Variants in SSUH2 observed in about 807,000 individuals in gnomAD.
SSUH2 encodes ssu-2 homolog.
A neutral mutation model predicts 55.3 loss-of-function variants in SSUH2; 47 were observed. That is an observed-to-expected ratio of 0.85 (90% CI 0.67 to 1.08). The LOEUF (loss-of-function observed/expected upper bound fraction) is 1.08, where lower values mean the gene tolerates loss of function less well. SSUH2 is among the 50% of genes least tolerant of loss of function. The pLI is 0.00. For missense variants in SSUH2, 535 were observed against 490.7 expected (o/e 1.09, Z -0.85); for synonymous variants, 212 against 191.5 (o/e 1.11, Z -0.89).
chr3:8,620,984 A>G (rs1696311611), intron 11 of SSUH2, among the ~76,000 whole-genome samples: 1 of 144,412 alleles, frequency 6.9e-6, no homozygotes, highest in Admixed American at 6.9e-5. Flanking sequence ...AACTTTCTGC[A>G]ATATGAGGCC....
chr3:8,635,760 G>GC lies in SSUH2; in HGVS notation c.125dup (p.Arg43GlnfsTer48). ...GAACCAAGCCCTCTTGGAACTTACT[G>GC]CCCCCTTGAAGAAGCCAGTCATAGC... On this transcript the variant is annotated frameshift_variant and splice_region_variant, in exon 2 of 12. Coordinates refer to ENST00000544814, the MANE Select transcript of SSUH2 (RefSeq NM_001256748.3). LOFTEE classifies it high-confidence loss of function. 1.3e-6 allele frequency: 2 copies of GC among 1,535,136 alleles called. No homozygotes were observed. The highest frequency in any genetic ancestry group is 1.7e-6 in the Non-Finnish European group (2 of 1,146,406).
chr3:8,656,795 G>T (rs961168433), intron 7 of SSUH2, among the ~76,000 whole-genome samples: 1 of 152,132 alleles, frequency 6.6e-6, no homozygotes, highest in Admixed American at 6.5e-5. Context: ...TTGAATGTGG[G>T]TTTTTCTGGC....
chr3:8,629,553 G>C, intron 7 of SSUH2, 111 bp downstream of exon 7: 2 of 905,886 alleles, frequency 2.2e-6, no homozygotes, highest in East Asian at 2.5e-5. Flanking sequence ...ACTTGGCTGA[G>C]ATGACACAGT....
chr3:8,675,127 C>T (rs1413736904), intron 3 of SSUH2, among the ~76,000 whole-genome samples: 4 of 152,218 alleles, frequency 2.6e-5, no homozygotes, highest in African/African-American at 7.2e-5. Flanking sequence ...GACTTTACAT[C>T]CAACAGTACC....
chr3:8,641,686 C>T (rs1035325844), intron 1 of SSUH2, among the ~76,000 whole-genome samples: 1 of 152,246 alleles, frequency 6.6e-6, no homozygotes, highest in Admixed American at 6.5e-5. Flanking sequence ...GGGAAAGCTG[C>T]ATTCCGGTGG....
At chr3:8,666,947 G>A (rs1323147879) in intron 5 of SSUH2, among the ~76,000 whole-genome samples, 3 of 152,226 alleles carry the variant, frequency 2.0e-5, no homozygotes, top group Non-Finnish European at 4.4e-5. Flanking sequence ...CTGATGAAGA[G>A]ACTTGTAGGG....
upstream of SSUH2, among the ~76,000 whole-genome samples, chr3:8,646,497 G>A (rs1424056222): frequency 6.6e-6 from 1 of 152,162 alleles, no homozygotes; most frequent in Admixed American, 6.5e-5. Context: ...CTGTATTTTC[G>A]TAACCAGGAA....
intron 7 of SSUH2, among the ~76,000 whole-genome samples, chr3:8,654,803 C>A (rs1000985142): frequency 7.3e-5 from 11 of 151,600 alleles, no homozygotes; most frequent in African/African-American, 2.7e-4. Flanking sequence ...GTGGCTTCCC[C>A]AGGATCACAG....
chr3:8,621,361 A>T (rs1488577317), intron 11 of SSUH2, among the ~76,000 whole-genome samples: 1 of 152,140 alleles, frequency 6.6e-6, no homozygotes, highest in Non-Finnish European at 1.5e-5. Context: ...GGAAGAGGTA[A>T]ACCAGGCCGG....
At position 8,626,280 on chromosome 3, in the gene SSUH2, G is replaced by T. The variant is rs766332544; in HGVS notation, c.716C>A (p.Thr239Asn). The T allele has an allele frequency of 6.2e-7, 1 of 1,614,130 alleles. No individual in the cohort carries two copies. Among genetic ancestry groups the T allele is most frequent in the South Asian group, 1.1e-5 (1 of 91,060 alleles). Residue 239 changes from threonine (T) to asparagine (N), a missense_variant, in exon 9 of 12, where the codon ACC becomes AAC. Thr to Asn is a moderately conservative substitution (Grantham distance 65). Coordinates refer to ENST00000544814, the MANE Select transcript of SSUH2 (RefSeq NM_001256748.3). ...CSGRGNKTCATCKGEKKLLHF... is the reference protein window; with the variant it reads ...CSGRGNKTCANCKGEKKLLHF... Reference sequence around the variant, plus strand: ...CAACAGCTTCTTCTCCCCCTTGCAGGTGGCGCAGGTCTTGTTCCCTCTCCC... The same window carrying T: ...CAACAGCTTCTTCTCCCCCTTGCAGTTGGCGCAGGTCTTGTTCCCTCTCCC...
intron 3 of SSUH2, among the ~76,000 whole-genome samples, chr3:8,672,731 T>C (rs1276133882): frequency 2.0e-5 from 3 of 152,024 alleles, no homozygotes; most frequent in Admixed American, 6.5e-5. Flanking sequence ...TTAGGAACAA[T>C]GTCACAAAAG....
Position 8,619,950 on chromosome 3 carries a change from A to G in SSUH2, c.1046T>C (p.Val349Ala). Residue 349 changes from valine to alanine, a missense_variant, in exon 12 of 12, where the codon GTC (valine) becomes GCC (alanine). By Grantham distance (64) the Val-to-Ala change is moderately conservative. Coordinates refer to ENST00000544814, the MANE Select transcript of SSUH2 (RefSeq NM_001256748.3). ...GTGGTCAGTGCCATAGATGTAGTAG[A>G]CATAAGTCTTTCCTTGGTACCAATA... is the stretch of plus-strand genomic sequence containing the variant. ...VHYWYQGKTY[V>A]YYIYGTDHQV... 1 of 1,614,190 alleles carries G rather than the reference A, an allele frequency of 6.2e-7. No homozygotes were observed. The highest frequency in any genetic ancestry group is 1.1e-5 in the South Asian group (1 of 91,080).
At chr3:8,680,411 T>C (rs1705864414) in intron 1 of SSUH2, among the ~76,000 whole-genome samples, 1 of 152,094 alleles carries the variant, frequency 6.6e-6, no homozygotes, top group South Asian at 2.1e-4. Flanking sequence ...TTATGAACTG[T>C]TTCACAGATG....
At chr3:8,634,013 A>T (rs1699436836) in intron 3 of SSUH2, 3 of 1,505,358 alleles carry the variant, frequency 2.0e-6, no homozygotes, top group Non-Finnish European at 9.0e-7. Flanking sequence ...ACAGCCAAAA[A>T]CACTTTAGTT....
intron 1 of SSUH2, among the ~76,000 whole-genome samples, chr3:8,643,158 A>T (rs1214886746): frequency 6.6e-6 from 1 of 152,192 alleles, no homozygotes; most frequent in African/African-American, 2.4e-5. Context: ...TATTGACTCC[A>T]TGTCTACTCT....
chr3:8,620,337 TTGCCTGCTGCCATGTAAGATG>T (rs1315662640), intron 11 of SSUH2, among the ~76,000 whole-genome samples: 2 of 152,212 alleles, frequency 1.3e-5, no homozygotes, highest in African/African-American at 2.4e-5. Flanking sequence ...TCTTCTTGCC[TTGCCTGCTGCCATGTAAGATG>T]TGCCTTTGCC....
chr3:8,628,043 C>G (rs1697961515), intron 7 of SSUH2, among the ~76,000 whole-genome samples: 1 of 152,206 alleles, frequency 6.6e-6, no homozygotes, highest in Non-Finnish European at 1.5e-5. Flanking sequence ...CCCACAACCC[C>G]TGAGACCTGA....
At chr3:8,654,663 G>A (rs1702752258) in intron 7 of SSUH2, among the ~76,000 whole-genome samples, 1 of 152,232 alleles carries the variant, frequency 6.6e-6, no homozygotes, top group Non-Finnish European at 1.5e-5. Flanking sequence ...CAATGTCTCA[G>A]TGGGTGTCCT....
intron 10 of SSUH2, among the ~76,000 whole-genome samples, 187 bp from the exon 11 acceptor site, chr3:8,623,843 A>G (rs1696967759): frequency 6.6e-6 from 1 of 152,176 alleles, no homozygotes; most frequent in Non-Finnish European, 1.5e-5. Flanking sequence ...AGAGAACGCT[A>G]TCACCTGCAG....
Sources: allele counts gnomAD v4.1 joint callset (sites outside exome capture counted in the v4.1 genomes callset), GRCh38; gene constraint gnomAD v4.1.1; transcripts MANE v1.5; gene names NCBI Gene and HGNC (gene_info 2026-07-23, HGNC 2026-07-21).